The following CNTNAP2 variants were observed in gnomAD, a reference collection of about 807,000 sequenced individuals.
The protein encoded by CNTNAP2 is contactin-associated protein-like 2.
Under a neutral mutation model 155.2 loss-of-function variants are expected in CNTNAP2, and 98 were observed. The ratio of observed to expected loss-of-function variants is 0.63; its 90% CI spans 0.54 to 0.75. The LOEUF (loss-of-function observed/expected upper bound fraction) is 0.75, where lower values mean the gene tolerates loss of function less well. Ranked by LOEUF, CNTNAP2 falls within the 30% of genes least tolerant of loss-of-function variation. The pLI, the probability that CNTNAP2 is intolerant of heterozygous loss-of-function variation, is 0.00. For synonymous variants in CNTNAP2, 651 were observed against 631.2 expected (o/e 1.03, Z -0.47); for missense variants, 1,727 against 1,688.1 (o/e 1.02, Z -0.40).
intron 4 of CNTNAP2, among the ~76,000 whole-genome samples, chr7:147,104,951 A>T (rs1800735202): frequency 6.8e-6 from 1 of 146,672 alleles, no homozygotes; most frequent in South Asian, 2.2e-4. Context: ...TTGGATAGAT[A>T]TTTAGGTAAA....
rs528144850 is a variant in CNTNAP2, at chr7:147,174,858, G to A, written c.1348+42349G>A. Reference sequence around the variant, plus strand: ...TTGGAGTACTCCTTTGTCGCACTGGGAACATGGTAAAATATATAATTTTTT... The same window carrying A: ...TTGGAGTACTCCTTTGTCGCACTGGAAACATGGTAAAATATATAATTTTTT... On this transcript the variant is annotated intron_variant, in intron 8 of 23. Transcript: ENST00000361727. 2.6e-5 allele frequency among the ~76,000 whole-genome samples: 4 copies of A among 152,174 alleles called. No homozygotes were observed. The East Asian group carries it at 7.7e-4, about 29-fold the overall frequency.
chr7:147,371,208 C>T (rs1454370867), intron 9 of CNTNAP2, among the ~76,000 whole-genome samples: 4 of 152,032 alleles, frequency 2.6e-5, no homozygotes, highest in South Asian at 2.1e-4. Flanking sequence ...GTAAAATTCA[C>T]GACCATATAT....
In CNTNAP2 at chr7:147,639,253, G is replaced by GC; in HGVS notation, c.2046dup (p.Glu683ArgfsTer62). ...GCCATCACTGACAGTGCCGAGTACTGCGAGCAGTATGTCTCCTATTTCTGC... is the reference window on the plus strand; with the variant it reads ...GCCATCACTGACAGTGCCGAGTACTGCCGAGCAGTATGTCTCCTATTTCTGC... On this transcript the variant is annotated frameshift_variant, in exon 13 of 24. Transcript: ENST00000361727. LOFTEE classifies it high-confidence loss of function. The GC allele has an allele frequency of 6.2e-7, 1 of 1,614,104 alleles. No individual in the cohort carries two copies. The highest frequency in any genetic ancestry group is 8.5e-7 in the Non-Finnish European group (1 of 1,180,002).
At chr7:146,896,819 A>G (rs1002090033) in intron 3 of CNTNAP2, among the ~76,000 whole-genome samples, 4 of 152,122 alleles carry the variant, frequency 2.6e-5, no homozygotes, top group African/African-American at 9.7e-5. Flanking sequence ...TAAAATTATA[A>G]CTAGTAAAAT....
chr7:147,374,025 G>T (rs861159), intron 9 of CNTNAP2, among the ~76,000 whole-genome samples: 47,301 of 151,528 alleles, frequency 0.31, 7,986 homozygotes, highest in East Asian at 0.66. Context: ...GATGATGGGA[G>T]TTTAGTCTAA....
At chr7:146,193,039 C>T (rs1360116918) in intron 1 of CNTNAP2, among the ~76,000 whole-genome samples, 1 of 152,246 alleles carries the variant, frequency 6.6e-6, no homozygotes, top group Non-Finnish European at 1.5e-5. Flanking sequence ...TCTCCTTTGA[C>T]TCCATGTCTC....
At chr7:147,157,510 T>C (rs1305389394) in intron 8 of CNTNAP2, among the ~76,000 whole-genome samples, 2 of 152,256 alleles carry the variant, frequency 1.3e-5, no homozygotes, top group Admixed American at 1.3e-4. Flanking sequence ...TTGAGGTGCT[T>C]CCTCAAAGAC....
At chr7:147,452,648 A>G (rs1293884712) in intron 10 of CNTNAP2, among the ~76,000 whole-genome samples, 2 of 152,204 alleles carry the variant, frequency 1.3e-5, no homozygotes, top group East Asian at 3.9e-4. Context: ...TGCTAATTGG[A>G]TGTGTTACTA....
intron 13 of CNTNAP2, among the ~76,000 whole-genome samples, chr7:147,877,580 G>A (rs2710098): frequency 6.6e-6 from 1 of 151,492 alleles, no homozygotes; most frequent in Admixed American, 6.6e-5. Flanking sequence ...CTAAGAGAAA[G>A]GGTACTGTTT....
chr7:146,668,937 T>C (rs73455230), intron 1 of CNTNAP2, among the ~76,000 whole-genome samples: 2,134 of 152,258 alleles, frequency 0.014, 56 homozygotes, highest in African/African-American at 0.05. Flanking sequence ...ATCATTTTAA[T>C]TCTTTTCAAA....
Position 148,037,701 on chromosome 7 carries a change from T to C in CNTNAP2, c.2383+59712T>C, listed in dbSNP as rs557368124. ...ATAACATAACTTTTATTACAATATA[T>C]TGTTATTATTTTTCTATTTTATTAT... On this transcript the variant is annotated intron_variant, in intron 15 of 23. Transcript: ENST00000361727. Among the ~76,000 whole-genome samples, 4 of 152,352 alleles carry C rather than the reference T, an allele frequency of 2.6e-5. No homozygotes were observed. The East Asian group carries it at 7.7e-4, about 29-fold the overall frequency.
intron 1 of CNTNAP2, among the ~76,000 whole-genome samples, chr7:146,292,558 C>T (rs559123621): frequency 1.3e-5 from 2 of 152,164 alleles, no homozygotes; most frequent in South Asian, 4.1e-4. Flanking sequence ...AGCGTAATAG[C>T]AAACAATATG....
At chr7:147,128,890 T>C in intron 7 of CNTNAP2, 54 bp downstream of exon 7, 1 of 1,609,006 alleles carries the variant, frequency 6.2e-7, no homozygotes, top group Non-Finnish European at 8.5e-7. Flanking sequence ...GTAACATTTT[T>C]GTTTTTTGGA....
chr7:146,875,955 A>AAAC (rs1562983097), intron 3 of CNTNAP2, among the ~76,000 whole-genome samples: 1 of 139,086 alleles, frequency 7.2e-6, no homozygotes. Flanking sequence ...AAAAAAAAAA[A>AAAC]AAAAAACAAA....
chr7:146,954,699 T>C (rs1164289640), intron 3 of CNTNAP2, among the ~76,000 whole-genome samples: 1 of 151,892 alleles, frequency 6.6e-6, no homozygotes, highest in Non-Finnish European at 1.5e-5. Context: ...TGATATGTGT[T>C]TTATTGCTCA....
chr7:146,266,301 C>G (rs2129082553), intron 1 of CNTNAP2, among the ~76,000 whole-genome samples: 1 of 152,242 alleles, frequency 6.6e-6, no homozygotes, highest in Non-Finnish European at 1.5e-5. Flanking sequence ...TCCTGAGTGT[C>G]TAGCCTTCCA....
intron 9 of CNTNAP2, among the ~76,000 whole-genome samples, chr7:147,373,441 A>C (rs1170827687): frequency 1.3e-5 from 2 of 152,084 alleles, no homozygotes; most frequent in Non-Finnish European, 2.9e-5. Context: ...ACAGCTTTGA[A>C]CTTTCTGAAG....
At chr7:147,008,193 G>A (rs938175975) in intron 3 of CNTNAP2, among the ~76,000 whole-genome samples, 23 of 152,152 alleles carry the variant, frequency 1.5e-4, no homozygotes, top group African/African-American at 5.1e-4. Flanking sequence ...AGGAAAGACC[G>A]TGACTTGTTA....
intron 8 of CNTNAP2, among the ~76,000 whole-genome samples, chr7:147,274,019 A>T (rs1804833412): frequency 6.6e-6 from 1 of 150,384 alleles, no homozygotes; most frequent in Non-Finnish European, 1.5e-5. Flanking sequence ...ATATACACAC[A>T]TATATATAAT....
Sources: gnomAD v4.1 joint callset for allele counts (sites outside exome capture counted in the v4.1 genomes callset) on GRCh38, gnomAD v4.1.1 for gene constraint, MANE v1.5 for transcripts, NCBI Gene and HGNC (gene_info 2026-07-23, HGNC 2026-07-21) for gene names.